The following TNFRSF4 variants were observed in gnomAD, a reference collection of about 807,000 sequenced individuals.
TNFRSF4 encodes the protein tumor necrosis factor receptor superfamily member 4.
In TNFRSF4, 21 loss-of-function variants were observed where a neutral mutation model predicts 29.5. The ratio of observed to expected loss-of-function variants is 0.71; its 90% CI spans 0.51 to 1.03. TNFRSF4 has a LOEUF of 1.03. TNFRSF4 is among the 50% of genes least tolerant of loss of function. TNFRSF4 has a pLI of 0.00. For missense variants in TNFRSF4, 408 were observed against 387.8 expected, an observed-to-expected ratio of 1.05 and a Z score of -0.44; for synonymous variants, 197 against 172.7, an observed-to-expected ratio of 1.14 and a Z score of -1.10.
chr1:1,211,548 G>T lies in TNFRSF4; in HGVS notation c.*7C>A. 6.7e-7 allele frequency: 1 copy of T among 1,494,474 alleles called. No homozygotes were observed. The highest frequency in any genetic ancestry group is 2.4e-5 in the East Asian group (1 of 40,832). 92.6% of individuals were successfully genotyped at this position (1,494,474 alleles called of 1,614,324 possible). A position where few individuals can be genotyped will look rare whatever the true frequency, so the allele number is the denominator to read the frequency against. ...CGGGGCCCAGCGTCCACCTTGGTGG[G>T]CCCAGGTCAGATCTTGGCCAGGGTG... On this transcript the variant is annotated 3_prime_UTR_variant, in exon 7 of 7. Coordinates refer to ENST00000379236, the MANE Select transcript of TNFRSF4 (RefSeq NM_003327.4).
chr1:1,212,979 C>A lies in TNFRSF4; in HGVS notation c.370+13G>T. 6.2e-7 allele frequency: 1 copy of A among 1,604,624 alleles called. No homozygotes were observed. Among genetic ancestry groups the A allele is most frequent in the Non-Finnish European group, 8.5e-7 (1 of 1,175,978 alleles). On this transcript the variant is annotated intron_variant, in intron 3 of 6. Transcript: ENST00000379236. The stretch of plus-strand genomic sequence containing the variant: ...GCACACCCCCAACCGCCGGCCGCAG[C>A]CACCGAGCTCACCAACTCCAGGCTT...
Position 1,213,964 on chromosome 1 carries a change from AC to A in TNFRSF4, c.145+18del. The A allele has an allele frequency of 6.5e-7, 1 of 1,539,094 alleles. No individual in the cohort carries two copies. On this transcript the variant is annotated intron_variant, in intron 1 of 6. Coordinates refer to ENST00000379236, the MANE Select transcript of TNFRSF4 (RefSeq NM_003327.4). ...GTCCCTGGAGTGCCCGTGCGTGGCG[AC>A]CCCTCCTGAGGCCTCACCTGGCCTG...
chr1:1,211,941 C>A lies in TNFRSF4; in HGVS notation c.634+1G>T, dbSNP rs752054094. The A allele has an allele frequency of 6.4e-7, 1 of 1,556,914 alleles. No homozygotes were observed. Among genetic ancestry groups the A allele is most frequent in the South Asian group, 1.2e-5 (1 of 84,406 alleles). On this transcript the variant is annotated splice_donor_variant, in intron 5 of 6. Coordinates refer to ENST00000379236, the MANE Select transcript of TNFRSF4 (RefSeq NM_003327.4). LOFTEE classifies it high-confidence loss of function. ...CGCTGGGCTGGGCCAGGCGCCCTTACCCCCGGGGACCTCCACGGGCCGGGT... is the reference window on the plus strand; with the variant it reads ...CGCTGGGCTGGGCCAGGCGCCCTTAACCCCGGGGACCTCCACGGGCCGGGT...
chr1:1,212,929 C>T (rs1649238720), intron 3 of TNFRSF4, 63 bp downstream of exon 3: 1 of 1,500,624 alleles, frequency 6.7e-7, no homozygotes, highest in South Asian at 1.3e-5. Flanking sequence ...GCCCACGGCC[C>T]ATCTGCGTCA....
intron 5 of TNFRSF4, 32 bp from the exon 6 acceptor site, chr1:1,211,864 C>T (rs778588861): frequency 1.1e-4 from 162 of 1,516,324 alleles, no homozygotes; most frequent in Non-Finnish European, 1.3e-4. Flanking sequence ...GTGGGGTCCA[C>T]AGGAGGGGCC....
rs1291977957 is a variant in TNFRSF4 at position 1,212,157 on chromosome 1, T to G, written c.438-19A>C. The G allele has an allele frequency of 1.2e-6, 2 of 1,611,520 alleles. No homozygotes were observed. The highest frequency in any genetic ancestry group is 1.7e-6 in the Non-Finnish European group (2 of 1,179,490). On this transcript the variant is annotated intron_variant, in intron 4 of 6. Coordinates refer to ENST00000379236, the MANE Select transcript of TNFRSF4 (RefSeq NM_003327.4). ...GGTGCAGCTGTTGGGGAACAGGAGGTGTTGCTCAGGCCAGAAACCCCCTGG... is the reference window on the plus strand; with the variant it reads ...GGTGCAGCTGTTGGGGAACAGGAGGGGTTGCTCAGGCCAGAAACCCCCTGG...
chr1:1,213,155 C>T (rs1480919615), intron 2 of TNFRSF4, 62 bp from the exon 3 acceptor site: 15 of 1,553,028 alleles, frequency 9.7e-6, no homozygotes, highest in East Asian at 7.2e-5. Context: ...CCTCAGGAAG[C>T]GTGGGCACTG....
chr1:1,211,649 T>C, intron 6 of TNFRSF4, 24 bp from the exon 7 acceptor site: 1 of 1,562,186 alleles, frequency 6.4e-7, no homozygotes. Context: ...AAGGAGAGAT[T>C]GGTGGGTGGG....
chr1:1,211,474 GC>G lies in TNFRSF4; in HGVS notation c.*80del. ...GCCCAGGAGCGTGGCGGGGCAGGCGGCCTGCACCTGCCCTGCTCGCCCAGCA... is the reference window on the plus strand; with the variant it reads ...GCCCAGGAGCGTGGCGGGGCAGGCGGCTGCACCTGCCCTGCTCGCCCAGCA... On this transcript the variant is annotated 3_prime_UTR_variant, in exon 7 of 7. Coordinates refer to ENST00000379236, the MANE Select transcript of TNFRSF4 (RefSeq NM_003327.4). 7.5e-7 allele frequency: 1 copy of G among 1,332,010 alleles called. No homozygotes were observed. Among genetic ancestry groups the G allele is most frequent in the Admixed American group, 3.4e-5 (1 of 29,250 alleles). 82.5% of individuals were successfully genotyped at this position (1,332,010 alleles called of 1,614,324 possible). A position where few individuals can be genotyped will look rare whatever the true frequency, so the allele number is the denominator to read the frequency against.
At chr1:1,211,907 T>G (rs1649140020) in intron 5 of TNFRSF4, 35 bp downstream of exon 5, 2 of 1,511,110 alleles carry the variant, frequency 1.3e-6, no homozygotes, top group African/African-American at 1.4e-5. Flanking sequence ...CTATTCGGGT[T>G]GGGGGCCCCG....
At chr1:1,213,475 G>A (rs34092166) in intron 2 of TNFRSF4, 188 bp downstream of exon 2, 108 of 1,479,346 alleles carry the variant, frequency 7.3e-5, no homozygotes, top group Middle Eastern at 3.5e-4. Flanking sequence ...CTGGGCCCCC[G>A]GAGGGAGAGG....
intron 2 of TNFRSF4, chr1:1,213,346 C>T: frequency 6.5e-7 from 1 of 1,530,724 alleles, no homozygotes; most frequent in African/African-American, 1.4e-5. Flanking sequence ...CCTCCAGCCG[C>T]CAGCCCCGCC....
At chr1:1,213,205 G>C (rs577047102) in intron 2 of TNFRSF4, 112 bp from the exon 3 acceptor site, 1 of 1,535,772 alleles carries the variant, frequency 6.5e-7, no homozygotes, top group East Asian at 2.4e-5. Flanking sequence ...AGGGCCGTGG[G>C]CAGGGGTCTG....
At chr1:1,213,372 A>G (rs1407990510) in intron 2 of TNFRSF4, 8 of 1,529,344 alleles carry the variant, frequency 5.2e-6, no homozygotes, top group Non-Finnish European at 7.0e-6. Context: ...CAGGGTCTCC[A>G]TGGCCCAACC....
chr1:1,213,993 C>T lies in TNFRSF4; in HGVS notation c.135G>A (p.Glu45=). Residue 45 remains glutamate, a synonymous_variant, in exon 1 of 7, where the codon GAG becomes GAA. Coordinates refer to ENST00000379236, the MANE Select transcript of TNFRSF4 (RefSeq NM_003327.4). ...TYPSNDRCCH[E]CRPGNGMVSR... is the part of the protein sequence containing the mutation. ...CTCCTGAGGCCTCACCTGGCCTGCA[C>T]TCGTGGCAGCACCGGTCGTTGCTGG... 1 of 1,604,216 alleles carries T rather than the reference C, an allele frequency of 6.2e-7. No individual in the cohort carries two copies.
intron 4 of TNFRSF4, 32 bp from the exon 5 acceptor site, chr1:1,212,170 A>G: frequency 1.9e-6 from 3 of 1,610,460 alleles, no homozygotes; most frequent in Non-Finnish European, 2.5e-6. Context: ...TGCTCAGGCC[A>G]GAAACCCCCT....
intron 1 of TNFRSF4, 97 bp from the exon 2 acceptor site, chr1:1,213,882 A>ACCCCCCCCCCCCCC: frequency 7.9e-7 from 1 of 1,265,970 alleles, no homozygotes. Context: ...CCGGCCCCTC[A>ACCCCCCCCCCCCCC]CCCGCCCCCT....
Position 1,211,577 on chromosome 1 carries a change from T to C in TNFRSF4, c.812A>G (p.His271Arg), listed in dbSNP as rs1336408361. 9 of 1,503,114 alleles carry C rather than the reference T, an allele frequency of 6.0e-6. No individual in the cohort carries two copies. The highest frequency in any genetic ancestry group is 6.2e-6 in the Non-Finnish European group (7 of 1,127,220). 93.1% of individuals were successfully genotyped at this position (1,503,114 alleles called of 1,614,324 possible). A position where few individuals can be genotyped will look rare whatever the true frequency, so the allele number is the denominator to read the frequency against. The change falls in exon 7 of 7, where the codon CAC becomes CGC. Residue 271 changes from histidine (H) to arginine (R), a missense_variant. Physicochemically the swap from His to Arg is conservative, Grantham distance 29 (BLOSUM62 0). Transcript: ENST00000379236. ...AGGTCAGATCTTGGCCAGGGTGGAG[T>C]GGGCGTCGGCCTGCTCCTCTTGGAT... Reference protein sequence around the residue: ...TPIQEEQADAHSTLAKI With the variant: ...TPIQEEQADARSTLAKI
chr1:1,214,008 G>A lies in TNFRSF4; in HGVS notation c.120C>T (p.Asp40=), dbSNP rs754613710. The change falls in exon 1 of 7, where the codon GAC becomes GAT. Residue 40 remains aspartate, a synonymous_variant. Coordinates refer to ENST00000379236, the MANE Select transcript of TNFRSF4 (RefSeq NM_003327.4). The surrounding 1 kb of genome is among the most constrained non-coding windows in gnomAD (Gnocchi z 4.2). ...CTGGCCTGCACTCGTGGCAGCACCG[G>A]TCGTTGCTGGGGTAGGTGTCCCCGA... ...HCVGDTYPSN[D]RCCHECRPGN... The A allele has an allele frequency of 7.5e-6, 12 of 1,605,054 alleles. No individual in the cohort carries two copies. In the East Asian group the frequency reaches 2.5e-4, roughly 33 times the overall value.
Sources: gnomAD v4.1 joint callset for allele counts on GRCh38, gnomAD v4.1.1 for gene constraint, Gnocchi (gnomAD v3.1) non-coding constraint, MANE v1.5 for transcripts, NCBI Gene and HGNC (gene_info 2026-07-23, HGNC 2026-07-21) for gene names.